SOD3: variants seen among roughly 807,000 people sequenced by gnomAD.
The protein encoded by SOD3 is extracellular superoxide dismutase [Cu-Zn].
In SOD3, 3 loss-of-function variants were observed where a neutral mutation model predicts 2.6. The ratio of observed to expected loss-of-function variants is 1.13; its 90% CI spans 0.52 to 2.93. The LOEUF is 2.93. SOD3 is among the 30% of genes most tolerant of loss of function. The probability of loss-of-function intolerance (pLI) is 0.04; values close to 1 mark genes in which losing one functional copy is unlikely to be tolerated. For synonymous variants in SOD3, 188 were observed against 177.5 expected (o/e 1.06, Z -0.47); for missense variants, 379 against 370.4 (o/e 1.02, Z -0.19).
At chr4:24,796,246 G>A (rs575858392) in intron 1 of SOD3, among the ~76,000 whole-genome samples, 55 of 151,586 alleles carry the variant, frequency 3.6e-4, no homozygotes, top group Non-Finnish European at 6.5e-4. Flanking sequence ...CCAGATCCAC[G>A]TACAAAGGAG....
Position 24,799,729 on chromosome 4 carries a change from A to G in SOD3, c.208A>G (p.Thr70Ala). 1 of 1,564,232 alleles carries G rather than the reference A, an allele frequency of 6.4e-7. No homozygotes were observed. Among genetic ancestry groups the G allele is most frequent in the Non-Finnish European group, 8.6e-7 (1 of 1,160,308 alleles). The change falls in exon 2 of 2, where the codon ACG becomes GCG. Residue 70 changes from threonine (T) to alanine (A), a missense_variant. By Grantham distance (58) the Thr-to-Ala change is moderately conservative (BLOSUM62 0). Coordinates refer to ENST00000382120, the MANE Select transcript of SOD3 (RefSeq NM_003102.4). ...HAACQVQPSA[T>A]LDAAQPRVTG... is the part of the protein sequence containing the mutation. ...CGCCTGCCAGGTGCAGCCGTCGGCC[A>G]CGCTGGACGCCGCGCAGCCCCGGGT...
chr4:24,799,690 G>A lies in SOD3; in HGVS notation c.169G>A (p.Gly57Ser), dbSNP rs968426978. Residue 57 changes from glycine to serine, a missense_variant, in exon 2 of 2, where the codon GGC (glycine) becomes AGC (serine). By Grantham distance (56) the Gly-to-Ser change is moderately conservative. Coordinates refer to ENST00000382120, the MANE Select transcript of SOD3 (RefSeq NM_003102.4). The part of the protein sequence containing the change: ...QEVMQRRDDD[G>S]ALHAACQVQP... ...GGTCATGCAGCGGCGGGACGACGACGGCGCGCTCCACGCCGCCTGCCAGGT... is the reference window on the plus strand; with the variant it reads ...GGTCATGCAGCGGCGGGACGACGACAGCGCGCTCCACGCCGCCTGCCAGGT... 5 of 1,585,842 alleles carry A rather than the reference G, an allele frequency of 3.2e-6. No homozygotes were observed. The highest frequency in any genetic ancestry group is 3.4e-6 in the Non-Finnish European group (4 of 1,170,272).
Position 24,800,174 on chromosome 4 carries a change from G to C in SOD3, c.653G>C (p.Trp218Ser), listed in dbSNP as rs1713804270. ...CVVGVCGPGLWERQAREHSER... is the reference protein window; with the variant it reads ...CVVGVCGPGLSERQAREHSER... ...GTGGGCGTGTGCGGGCCCGGGCTCT[G>C]GGAGCGCCAGGCGCGGGAGCACTCA... Residue 218 changes from tryptophan (W) to serine (S), a missense_variant, in exon 2 of 2, where the codon TGG (tryptophan) becomes TCG (serine). Physicochemically the swap from Trp to Ser is radical, Grantham distance 177. Coordinates refer to ENST00000382120, the MANE Select transcript of SOD3 (RefSeq NM_003102.4). 7.0e-7 allele frequency: 1 copy of C among 1,421,270 alleles called. No individual in the cohort carries two copies. The highest frequency in any genetic ancestry group is 1.5e-5 in the South Asian group (1 of 67,392). 88.0% of individuals were successfully genotyped at this position (1,421,270 alleles called of 1,614,324 possible). A position where few individuals can be genotyped will look rare whatever the true frequency, so the allele number is the denominator to read the frequency against.
Position 24,799,753 on chromosome 4 carries a change from G to A in SOD3, c.232G>A (p.Val78Met). 6.4e-7 allele frequency: 1 copy of A among 1,563,074 alleles called. No homozygotes were observed. Residue 78 changes from valine (V) to methionine (M), a missense_variant, in exon 2 of 2, where the codon GTG becomes ATG. Coordinates refer to ENST00000382120, the MANE Select transcript of SOD3 (RefSeq NM_003102.4). Reference protein sequence around the residue: ...SATLDAAQPRVTGVVLFRQLA... With the variant: ...SATLDAAQPRMTGVVLFRQLA... ...CACGCTGGACGCCGCGCAGCCCCGGGTGACCGGCGTCGTCCTCTTCCGGCA... is the reference window on the plus strand; with the variant it reads ...CACGCTGGACGCCGCGCAGCCCCGGATGACCGGCGTCGTCCTCTTCCGGCA...
chr4:24,799,896 C>A lies in SOD3; in HGVS notation c.375C>A (p.Cys125Ter). The change falls in exon 2 of 2, where the codon TGC (cysteine) becomes TGA (stop). Residue 125 changes from cysteine to a stop codon, truncating the protein, a stop_gained. Coordinates refer to ENST00000382120, the MANE Select transcript of SOD3 (RefSeq NM_003102.4). LOFTEE classifies it high-confidence loss of function. ...VHQFGDLSQG[C>*]ESTGPHYNPL... ...AGTTCGGGGACCTGAGCCAGGGCTG[C>A]GAGTCCACCGGGCCCCACTACAACC... 1 of 1,601,248 alleles carries A rather than the reference C, an allele frequency of 6.2e-7. No homozygotes were observed. Among genetic ancestry groups the A allele is most frequent in the Non-Finnish European group, 8.5e-7 (1 of 1,178,910 alleles).
chr4:24,800,259 C>T lies in SOD3; in HGVS notation c.*15C>T. 1 of 1,382,104 alleles carries T rather than the reference C, an allele frequency of 7.2e-7. No individual in the cohort carries two copies. The allele number at this position is 1,382,104 out of a possible 1,614,324, so 85.6% of individuals were successfully genotyped here. A position where few individuals can be genotyped will look rare whatever the true frequency, so the allele number is the denominator to read the frequency against. On this transcript the variant is annotated 3_prime_UTR_variant, in exon 2 of 2. Coordinates refer to ENST00000382120, the MANE Select transcript of SOD3 (RefSeq NM_003102.4). Reference sequence around the variant, plus strand: ...AGGCCGCCTGAGCGCGGCCCCCACCCGGCGGCGGCCAGGGACCCCCGAGGC... The same window carrying T: ...AGGCCGCCTGAGCGCGGCCCCCACCTGGCGGCGGCCAGGGACCCCCGAGGC...
At chr4:24,799,466 A>G in intron 1 of SOD3, 40 bp from the exon 2 acceptor site, 4 of 1,582,438 alleles carry the variant, frequency 2.5e-6, no homozygotes, top group Non-Finnish European at 3.4e-6. Context: ...CACGTGACTA[A>G]GCCTCACTCT....
intron 1 of SOD3, among the ~76,000 whole-genome samples, chr4:24,798,016 C>CTA (rs982196984): frequency 6.6e-6 from 1 of 152,328 alleles, no homozygotes; most frequent in African/African-American, 2.4e-5. Flanking sequence ...GCCCCAGAAT[C>CTA]TTTGATAGAG....
At chr4:24,796,218 A>G (rs936743605) in intron 1 of SOD3, among the ~76,000 whole-genome samples, 2 of 152,146 alleles carry the variant, frequency 1.3e-5, no homozygotes, top group African/African-American at 2.4e-5. Flanking sequence ...TCTTTCTCTG[A>G]TAACACCGTC....
chr4:24,797,131 C>T (rs1394986840), intron 1 of SOD3, among the ~76,000 whole-genome samples: 2 of 151,570 alleles, frequency 1.3e-5, no homozygotes, highest in Non-Finnish European at 2.9e-5. Flanking sequence ...TCACAGTGTC[C>T]ATAGCATCTC....
At position 24,800,116 on chromosome 4, in the gene SOD3, G is replaced by C. The variant is rs1317914904; in HGVS notation, c.595G>C (p.Gly199Arg). The stretch of plus-strand genomic sequence containing the variant: ...CGGCAACCAGGCCAGCGTGGAGAAC[G>C]GGAACGCGGGCCGGCGGCTGGCCTG... The part of the protein sequence containing the change: ...RGGNQASVEN[G>R]NAGRRLACCV... Residue 199 changes from glycine to arginine, a missense_variant, in exon 2 of 2, where the codon GGG becomes CGG. Transcript: ENST00000382120. 4.3e-6 allele frequency: 6 copies of C among 1,379,634 alleles called. No homozygotes were observed. Among genetic ancestry groups the C allele is most frequent in the East Asian group, 6.1e-5 (2 of 32,580 alleles). The allele number at this position is 1,379,634 out of a possible 1,614,324, so 85.5% of individuals were successfully genotyped here. A position where few individuals can be genotyped will look rare whatever the true frequency, so the allele number is the denominator to read the frequency against.
rs751935756 is a variant in SOD3, at chr4:24,800,023, G to A, written c.502G>A (p.Ala168Thr). 8 of 1,534,142 alleles carry A rather than the reference G, an allele frequency of 5.2e-6. No individual in the cohort carries two copies. Among genetic ancestry groups the A allele is most frequent in the Non-Finnish European group, 6.1e-6 (7 of 1,149,634 alleles). The change falls in exon 2 of 2, where the codon GCG (alanine) becomes ACG (threonine). Residue 168 changes from alanine (A) to threonine (T), a missense_variant. Transcript: ENST00000382120. ...CCGCGCCGGCCTGGCCGCCTCGCTCGCGGGCCCGCACTCCATCGTGGGCCG... is the reference window on the plus strand; with the variant it reads ...CCGCGCCGGCCTGGCCGCCTCGCTCACGGGCCCGCACTCCATCGTGGGCCG... ...RYRAGLAASLAGPHSIVGRAV... is the reference protein window; with the variant it reads ...RYRAGLAASLTGPHSIVGRAV...
chr4:24,799,908 GC>G lies in SOD3; in HGVS notation c.391del (p.His131ThrfsTer202). 6.2e-7 allele frequency: 1 copy of G among 1,600,482 alleles called. No individual in the cohort carries two copies. ...TGAGCCAGGGCTGCGAGTCCACCGGGCCCCACTACAACCCGCTGGCCGTGCC... is the reference window on the plus strand; with the variant it reads ...TGAGCCAGGGCTGCGAGTCCACCGGGCCCACTACAACCCGCTGGCCGTGCC... ...DLSQGCESTG[P>X]HYNPLAVPHP... On this transcript the variant is annotated frameshift_variant, in exon 2 of 2. Coordinates refer to ENST00000382120, the MANE Select transcript of SOD3 (RefSeq NM_003102.4). LOFTEE classifies it high-confidence loss of function.
intron 1 of SOD3, among the ~76,000 whole-genome samples, chr4:24,797,523 G>A (rs975431746): frequency 4.6e-5 from 7 of 152,176 alleles, no homozygotes; most frequent in African/African-American, 1.4e-4. Context: ...CTCGCAGCAA[G>A]CCTCTAAGGT....
chr4:24,796,451 T>C (rs1436615497), intron 1 of SOD3, among the ~76,000 whole-genome samples: 1 of 133,702 alleles, frequency 7.5e-6, no homozygotes, highest in East Asian at 2.2e-4. Context: ...TTTTTTTTTT[T>C]TTTTTTTTTT....
chr4:24,797,850 A>G (rs1362478796), intron 1 of SOD3, among the ~76,000 whole-genome samples: 1 of 152,232 alleles, frequency 6.6e-6, no homozygotes, highest in Non-Finnish European at 1.5e-5. Context: ...CTTTGGAGGC[A>G]GCATCAATCC....
At chr4:24,796,930 CTT>C (rs1713683455) in intron 1 of SOD3, among the ~76,000 whole-genome samples, 2 of 152,216 alleles carry the variant, frequency 1.3e-5, no homozygotes, top group South Asian at 2.1e-4. Context: ...AGGAAGGTGT[CTT>C]TGATGATGGG....
chr4:24,800,271 G>A lies in SOD3; in HGVS notation c.*27G>A. 1.5e-6 allele frequency: 2 copies of A among 1,377,804 alleles called. No individual in the cohort carries two copies. The highest frequency in any genetic ancestry group is 1.9e-6 in the Non-Finnish European group (2 of 1,068,820). The allele number at this position is 1,377,804 out of a possible 1,614,324, so 85.3% of individuals were successfully genotyped here. A position where few individuals can be genotyped will look rare whatever the true frequency, so the allele number is the denominator to read the frequency against. On this transcript the variant is annotated 3_prime_UTR_variant, in exon 2 of 2. Coordinates refer to ENST00000382120, the MANE Select transcript of SOD3 (RefSeq NM_003102.4). ...CGCGGCCCCCACCCGGCGGCGGCCAGGGACCCCCGAGGCCCCCCTCTGCCT... is the reference window on the plus strand; with the variant it reads ...CGCGGCCCCCACCCGGCGGCGGCCAAGGACCCCCGAGGCCCCCCTCTGCCT...
chr4:24,800,155 G>T lies in SOD3; in HGVS notation c.634G>T (p.Val212Leu). The change falls in exon 2 of 2, where the codon GTG (valine) becomes TTG (leucine). Residue 212 changes from valine to leucine, a missense_variant. Transcript: ENST00000382120. ...GCGGCTGGCCTGCTGCGTGGTGGGC[G>T]TGTGCGGGCCCGGGCTCTGGGAGCG... Reference protein sequence around the residue: ...GRRLACCVVGVCGPGLWERQA... With the variant: ...GRRLACCVVGLCGPGLWERQA... 7.2e-7 allele frequency: 1 copy of T among 1,393,484 alleles called. No individual in the cohort carries two copies. The highest frequency in any genetic ancestry group is 9.2e-7 in the Non-Finnish European group (1 of 1,084,106). The allele number at this position is 1,393,484 out of a possible 1,614,324, so 86.3% of individuals were successfully genotyped here.
Sources: gnomAD v4.1 joint callset for allele counts (sites outside exome capture counted in the v4.1 genomes callset) on GRCh38, gnomAD v4.1.1 for gene constraint, MANE v1.5 for transcripts, NCBI Gene and HGNC (gene_info 2026-07-23, HGNC 2026-07-21) for gene names.